Variants in POLK observed in about 807,000 individuals in gnomAD.
The protein encoded by POLK is DNA polymerase kappa.
Under a neutral mutation model 94.0 loss-of-function variants are expected in POLK, and 76 were observed. The observed-to-expected ratio is 0.81, with a 90% CI of 0.67 to 0.98. The LOEUF (loss-of-function observed/expected upper bound fraction) is 0.98. Among genes scored for constraint, POLK ranks in the 50% least tolerant of loss-of-function variants. POLK has a pLI of 0.00. For missense variants in POLK, 954 were observed against 1,010.1 expected (o/e 0.94, Z 0.75); for synonymous variants, 349 against 325.4 (o/e 1.07, Z -0.78).
At chr5:75,521,654 A>G (rs1768592626) in intron 1 of POLK, among the ~76,000 whole-genome samples, 1 of 152,084 alleles carries the variant, frequency 6.6e-6, no homozygotes, top group Non-Finnish European at 1.5e-5. Flanking sequence ...TTTTGGATGT[A>G]CATCTATGTC....
At chr5:75,584,909 T>G (rs1772387593) in exon 9 of POLK, 1 of 1,595,836 alleles carries the variant, frequency 6.3e-7, no homozygotes, top group African/African-American at 1.3e-5. Context: ...TGGGTCTAGG[T>G]TCAACACACC....
intron 7 of POLK, 32 bp from the exon 8 acceptor site, chr5:75,583,258 ACTT>A (rs765873947): frequency 2.6e-6 from 4 of 1,511,240 alleles, no homozygotes; most frequent in Non-Finnish European, 2.7e-6. Flanking sequence ...ATACATATCA[ACTT>A]CTTTGAGTCA....
chr5:75,592,062 A>G (rs1315127199), intron 11 of POLK, among the ~76,000 whole-genome samples: 1 of 152,238 alleles, frequency 6.6e-6, no homozygotes, highest in African/African-American at 2.4e-5. Context: ...TCCAGGGGAT[A>G]CTAAAATATA....
chr5:75,521,082 T>C (rs1768557481), intron 1 of POLK, among the ~76,000 whole-genome samples: 1 of 152,192 alleles, frequency 6.6e-6, no homozygotes, highest in Non-Finnish European at 1.5e-5. Flanking sequence ...TTGATTATTA[T>C]ATGCCTTGGG....
intron 4 of POLK, among the ~76,000 whole-genome samples, chr5:75,570,298 C>T (rs987328162): frequency 6.6e-6 from 1 of 152,016 alleles, no homozygotes; most frequent in Non-Finnish European, 1.5e-5. Context: ...CATAAGTAAC[C>T]GTTCTAGTTA....
intron 1 of POLK, among the ~76,000 whole-genome samples, chr5:75,520,573 AT>A (rs1047375312): frequency 3.3e-5 from 5 of 151,826 alleles, no homozygotes; most frequent in African/African-American, 4.8e-5. Context: ...TAGAAAAAAA[AT>A]TTTTTTTAGA....
chr5:75,548,471 A>G (rs563109006), intron 2 of POLK, among the ~76,000 whole-genome samples: 163 of 149,814 alleles, frequency 1.1e-3, no homozygotes, highest in Non-Finnish European at 1.7e-3. Flanking sequence ...ATATTATAGA[A>G]TATATATGTA....
chr5:75,585,736 G>A (rs977156199), intron 9 of POLK, among the ~76,000 whole-genome samples: 1 of 152,126 alleles, frequency 6.6e-6, no homozygotes, highest in East Asian at 1.9e-4. Context: ...ACTGGGAATC[G>A]TGGAAGTCAA....
chr5:75,572,750 G>A (rs1390285187), intron 4 of POLK, among the ~76,000 whole-genome samples: 3 of 152,124 alleles, frequency 2.0e-5, no homozygotes, highest in African/African-American at 7.2e-5. Context: ...GACAGAATAA[G>A]TCAAAACTTG....
At chr5:75,554,820 G>A (rs1346392226) in intron 3 of POLK, among the ~76,000 whole-genome samples, 1 of 152,090 alleles carries the variant, frequency 6.6e-6, no homozygotes, top group Non-Finnish European at 1.5e-5. Context: ...CCATGTCCCT[G>A]CAAAAGACAT....
At chr5:75,527,502 T>TATACACACACAC (rs555220325) in intron 1 of POLK, among the ~76,000 whole-genome samples, 179 of 133,030 alleles carry the variant, frequency 1.3e-3, no homozygotes, top group African/African-American at 4.3e-3. Flanking sequence ...AATTTATATA[T>TATACACACACAC]ACACACACAC....
intron 3 of POLK, among the ~76,000 whole-genome samples, chr5:75,565,563 T>C (rs1165086806): frequency 6.6e-6 from 1 of 152,176 alleles, no homozygotes; most frequent in Non-Finnish European, 1.5e-5. Flanking sequence ...TGAATGGCGT[T>C]TTTGCGTGGT....
chr5:75,608,969 C>T, the POLK span: 1 of 152,140 alleles, frequency 6.6e-6, no homozygotes, highest in South Asian at 2.1e-4. Context: ...AAAATACCTC[C>T]CACAGTATAC....
intron 3 of POLK, among the ~76,000 whole-genome samples, chr5:75,563,390 A>C (rs560549412): frequency 1.4e-5 from 2 of 147,814 alleles, no homozygotes; most frequent in East Asian, 4.1e-4. Context: ...TCGTGTCTCT[A>C]TCTCCTTCAG....
chr5:75,531,803 TAAGA>T (rs1387986268), intron 1 of POLK, among the ~76,000 whole-genome samples: 1 of 149,956 alleles, frequency 6.7e-6, no homozygotes, highest in Non-Finnish European at 1.5e-5. Context: ...AAAAAAAAAA[TAAGA>T]AAGTAAGCTG....
chr5:75,602,218 T>C (rs911238032), downstream of POLK, among the ~76,000 whole-genome samples: 1 of 152,188 alleles, frequency 6.6e-6, no homozygotes, highest in Non-Finnish European at 1.5e-5. Context: ...GCATCACCCA[T>C]GTGACTGACC....
chr5:75,511,178 C>G (rs780759060), upstream of POLK: 6 of 1,612,790 alleles, frequency 3.7e-6, no homozygotes, highest in East Asian at 8.9e-5. Context: ...CCTCCGAGCC[C>G]GACGAGTTCC....
the POLK span, chr5:75,609,190 A>G: frequency 6.6e-6 from 1 of 152,170 alleles, no homozygotes; most frequent in Admixed American, 6.5e-5. Flanking sequence ...TTCTTGGTTT[A>G]GAATTTGAAA....
At chr5:75,575,251 C>G (rs916734156) in intron 5 of POLK, among the ~76,000 whole-genome samples, 1 of 152,162 alleles carries the variant, frequency 6.6e-6, no homozygotes, top group African/African-American at 2.4e-5. Flanking sequence ...CTCGATCATA[C>G]CTCACTATAA....
Sources: allele counts gnomAD v4.1 joint callset (sites outside exome capture counted in the v4.1 genomes callset), GRCh38; gene constraint gnomAD v4.1.1; transcripts MANE v1.5; gene names NCBI Gene and HGNC (gene_info 2026-07-23, HGNC 2026-07-21).